The following SEC16B variants were observed in gnomAD, a reference collection of about 807,000 sequenced individuals.
SEC16B encodes SEC16 homolog B, endoplasmic reticulum export factor.
SEC16B carries 115 observed loss-of-function variants against 141.8 expected under a neutral mutation model. The ratio of observed to expected loss-of-function variants is 0.81; its 90% CI spans 0.70 to 0.95. SEC16B has a LOEUF of 0.95. Ranked by LOEUF, SEC16B falls within the 40% of genes least tolerant of loss-of-function variation. The pLI is 0.00. For missense variants in SEC16B, 1,291 were observed against 1,312.3 expected (o/e 0.98, Z 0.25); for synonymous variants, 493 against 492.5 (o/e 1.00, Z -0.01).
intron 17 of SEC16B, 99 bp downstream of exon 17, chr1:177,940,511 G>A (rs1651197630): frequency 1.3e-6 from 1 of 792,586 alleles, no homozygotes; most frequent in East Asian, 2.7e-5. Flanking sequence ...TGGGGACCAG[G>A]GACTTGCTAA....
chr1:177,958,595 G>A (rs1394567765), intron 9 of SEC16B, among the ~76,000 whole-genome samples: 3 of 152,114 alleles, frequency 2.0e-5, no homozygotes, highest in African/African-American at 7.2e-5. Context: ...CAATTTCACA[G>A]GTATATTATC....
intron 3 of SEC16B, 109 bp downstream of exon 3, chr1:177,965,784 G>T: frequency 1.6e-6 from 1 of 628,426 alleles, no homozygotes; most frequent in South Asian, 2.1e-5. Context: ...GGCCAAGAAA[G>T]GATGCCCAAG....
chr1:177,973,514 C>T (rs1329527381), upstream of SEC16B, among the ~76,000 whole-genome samples: 2 of 152,084 alleles, frequency 1.3e-5, no homozygotes, highest in Admixed American at 6.6e-5. Context: ...TTAGTTCAAC[C>T]ATCAAATGTG....
At chr1:177,948,592 C>A (rs1363170097) in intron 12 of SEC16B, 1 of 1,304,158 alleles carries the variant, frequency 7.7e-7, no homozygotes, top group Non-Finnish European at 1.0e-6. Context: ...ATGTACAAAG[C>A]CCCGCATCAA....
At chr1:177,965,400 G>GGTCTGTGTGT (rs1653437579) in intron 3 of SEC16B, among the ~76,000 whole-genome samples, 1 of 151,006 alleles carries the variant, frequency 6.6e-6, no homozygotes, top group Admixed American at 6.6e-5. Context: ...GATGGGGATT[G>GGTCTGTGTGT]GTGTGTGTGT....
intron 3 of SEC16B, among the ~76,000 whole-genome samples, chr1:177,965,416 T>TGTGTGTGTG (rs1557990566): frequency 6.6e-6 from 1 of 151,946 alleles, no homozygotes; most frequent in Non-Finnish European, 1.5e-5. Flanking sequence ...TGTGTGTGTG[T>TGTGTGTGTG]TCAATGTTGA....
intron 18 of SEC16B, among the ~76,000 whole-genome samples, chr1:177,938,302 AGATCTTTTGACGCAT>A (rs534630381): frequency 0.02 from 2,147 of 109,040 alleles, 71 homozygotes; most frequent in African/African-American, 0.064. Context: ...TGTCCCGAAA[AGATCTTTTGACGCAT>A]AGGGCCTAAC....
chr1:177,938,225 TAAG>T (rs1311761026), intron 18 of SEC16B, among the ~76,000 whole-genome samples: 1 of 152,230 alleles, frequency 6.6e-6, no homozygotes, highest in African/African-American at 2.4e-5. Context: ...TTTCTCCAGA[TAAG>T]AAGACCACCA....
intron 24 of SEC16B, among the ~76,000 whole-genome samples, chr1:177,931,955 G>T (rs1244207292): frequency 6.6e-6 from 1 of 151,864 alleles, no homozygotes; most frequent in Non-Finnish European, 1.5e-5. Context: ...TTCCCCCGAG[G>T]AAGCTGTTAT....
rs1203154247 is a variant in SEC16B, at chr1:177,961,712, T to C, written c.665A>G (p.Asn222Ser). Residue 222 changes from asparagine to serine, a missense_variant, in exon 6 of 26, where the codon AAC becomes AGC. This residue lies in a region of SEC16B where 681 missense variants were observed against 675.5 expected (regional missense o/e 1.01). Transcript: ENST00000308284. Reference sequence around the variant, plus strand: ...ACCAGACTCACGCTGCTGGAGAAGGTTGGACTCACTAGCCAATGATGGCTG... The same window carrying C: ...ACCAGACTCACGCTGCTGGAGAAGGCTGGACTCACTAGCCAATGATGGCTG... ...KNKPSLASESNLLQQRESGLS... is the reference protein window; with the variant it reads ...KNKPSLASESSLLQQRESGLS... 37 of 1,613,696 alleles carry C rather than the reference T, an allele frequency of 2.3e-5. No homozygotes were observed. Among genetic ancestry groups the C allele is most frequent in the African/African-American group, 4.0e-5 (3 of 74,898 alleles).
Position 177,958,258 on chromosome 1 carries a change from A to G in SEC16B, c.1239T>C (p.Asp413=). Residue 413 remains aspartate (D), a synonymous_variant, in exon 10 of 26, where the codon GAT becomes GAC. Coordinates refer to ENST00000308284, the MANE Select transcript of SEC16B (RefSeq NM_033127.4). Reference sequence around the variant, plus strand: ...CAGAGCTCAGCACTGGCCAGTCCTCATCGGTCAGGTTGATGAGGTTGGCCA... The same window carrying G: ...CAGAGCTCAGCACTGGCCAGTCCTCGTCGGTCAGGTTGATGAGGTTGGCCA... ...PPVANLINLT[D]EDWPVLSSGT... is the part of the protein sequence containing the mutation. 1 of 1,610,638 alleles carries G rather than the reference A, an allele frequency of 6.2e-7. No individual in the cohort carries two copies. Among genetic ancestry groups the G allele is most frequent in the Non-Finnish European group, 8.5e-7 (1 of 1,178,408 alleles).
rs74718659 is a variant in SEC16B, at chr1:177,947,549, G to A, written c.1663+276C>T. Among the ~76,000 whole-genome samples, 414 of 152,074 alleles carry A rather than the reference G, an allele frequency of 2.7e-3. 1 individual carries two copies. The highest frequency in any genetic ancestry group is 4.7e-3 in the Non-Finnish European group (318 of 67,994). On this transcript the variant is annotated intron_variant, in intron 13 of 25. Coordinates refer to ENST00000308284, the MANE Select transcript of SEC16B (RefSeq NM_033127.4). ...CACGGCAGAAATTCTGTGAAACAGA[G>A]AGGCAAGAAGGACACGTGTTTCCCT... is the stretch of plus-strand genomic sequence containing the variant.
chr1:177,953,892 A>G (rs1272699529), intron 11 of SEC16B, among the ~76,000 whole-genome samples: 2 of 152,102 alleles, frequency 1.3e-5, no homozygotes, highest in African/African-American at 2.4e-5. Flanking sequence ...CCTCATCACA[A>G]GAATAAGCAG....
chr1:177,936,239 T>A (rs1215500011), intron 20 of SEC16B, 59 bp downstream of exon 20: 2 of 1,424,306 alleles, frequency 1.4e-6, no homozygotes, highest in Non-Finnish European at 1.9e-6. Context: ...CCAAGGCAAC[T>A]GGTAAAAACC....
chr1:177,960,253 C>T (rs1652951602), intron 8 of SEC16B, 89 bp downstream of exon 8: 3 of 879,212 alleles, frequency 3.4e-6, no homozygotes, highest in South Asian at 3.0e-5. Context: ...TCCAAGGAAA[C>T]CAAGAACAAA....
In SEC16B at chr1:177,947,908, G is replaced by A. The variant is rs1476956658; in HGVS notation, c.1580C>T (p.Pro527Leu). 4 of 1,558,268 alleles carry A rather than the reference G, an allele frequency of 2.6e-6. No individual in the cohort carries two copies. Among genetic ancestry groups the A allele is most frequent in the Non-Finnish European group, 3.5e-6 (4 of 1,150,916 alleles). Residue 527 changes from proline (P) to leucine (L), a missense_variant, in exon 13 of 26, where the codon CCT becomes CTT. Physicochemically the swap from Pro to Leu is moderately conservative, Grantham distance 98 (BLOSUM62 -3). Coordinates refer to ENST00000308284, the MANE Select transcript of SEC16B (RefSeq NM_033127.4). ...ATTCGACAGAATCACAGCCAAGTGA[G>A]GCCTCCAGTCTCCCCACTGCTTTTC... ...CGEKQWGDWRPHLAVILSNQA... is the reference protein window; with the variant it reads ...CGEKQWGDWRLHLAVILSNQA...
intron 10 of SEC16B, among the ~76,000 whole-genome samples, chr1:177,955,951 T>C (rs899433540): frequency 1.7e-4 from 26 of 152,232 alleles, no homozygotes; most frequent in Admixed American, 9.8e-4. Context: ...TTAAATTAAT[T>C]ATAATTTATC....
At chr1:177,933,762 T>A in intron 20 of SEC16B, 126 bp from the exon 21 acceptor site, 1 of 952,468 alleles carries the variant, frequency 1.0e-6, no homozygotes, top group Non-Finnish European at 1.6e-6. Context: ...CATATTGTAC[T>A]GAAGAGGAAG....
chr1:177,964,997 G>T (rs775938105), intron 4 of SEC16B, 50 bp downstream of exon 4: 1 of 1,602,248 alleles, frequency 6.2e-7, no homozygotes, highest in South Asian at 1.1e-5. Context: ...GCCCGACATA[G>T]TCTGAGTTTG....
Sources: gnomAD v4.1 joint callset for allele counts (sites outside exome capture counted in the v4.1 genomes callset) on GRCh38, gnomAD v4.1.1 for gene constraint, gnomAD v4.1.1 regional missense constraint, MANE v1.5 for transcripts, NCBI Gene and HGNC (gene_info 2026-07-23, HGNC 2026-07-21) for gene names.